The following CSRNP3 variants were observed in gnomAD, a reference collection of about 807,000 sequenced individuals.
CSRNP3 encodes cysteine/serine-rich nuclear protein 3.
In CSRNP3, 12 loss-of-function variants were observed where a neutral mutation model predicts 48.0. The observed-to-expected ratio is 0.25, with a 90% confidence interval of 0.16 to 0.41. CSRNP3 has a LOEUF of 0.41. Ranked by LOEUF, CSRNP3 falls within the 10% of genes least tolerant of loss-of-function variation. CSRNP3 has a pLI of 1.00. For synonymous variants in CSRNP3, 263 were observed against 269.7 expected, an observed-to-expected ratio of 0.98 and a Z score of 0.24; for missense variants, 580 against 724.4, an observed-to-expected ratio of 0.80 and a Z score of 2.29.
chr2:165,550,523 T>G (rs1685082916), intron 3 of CSRNP3, among the ~76,000 whole-genome samples: 1 of 152,246 alleles, frequency 6.6e-6, no homozygotes, highest in Non-Finnish European at 1.5e-5. Context: ...ATTTGCTTTA[T>G]GTTTCACATA....
At chr2:165,640,704 G>A (rs1383498675) in intron 4 of CSRNP3, among the ~76,000 whole-genome samples, 3 of 152,176 alleles carry the variant, frequency 2.0e-5, no homozygotes, top group Admixed American at 2.0e-4. Flanking sequence ...TAATAAGGAA[G>A]AAGAAAGAGT....
At chr2:165,523,268 G>T (rs1244182627) in intron 3 of CSRNP3, among the ~76,000 whole-genome samples, 1 of 151,694 alleles carries the variant, frequency 6.6e-6, no homozygotes, top group Non-Finnish European at 1.5e-5. Flanking sequence ...TTTCTTTTTT[G>T]TCCTTTATTT....
At chr2:165,576,756 G>C (rs1685457867) in intron 3 of CSRNP3, among the ~76,000 whole-genome samples, 1 of 151,858 alleles carries the variant, frequency 6.6e-6, no homozygotes, top group African/African-American at 2.4e-5. Flanking sequence ...AACGTATATA[G>C]AAAAAATGCA....
chr2:165,677,824 G>A (rs1687452881), intron 6 of CSRNP3, among the ~76,000 whole-genome samples: 1 of 152,124 alleles, frequency 6.6e-6, no homozygotes, highest in Non-Finnish European at 1.5e-5. Context: ...CCCTTGGATT[G>A]TCCAGAACCC....
chr2:165,482,841 C>A (rs1684065984), intron 1 of CSRNP3, among the ~76,000 whole-genome samples: 1 of 152,060 alleles, frequency 6.6e-6, no homozygotes, highest in African/African-American at 2.4e-5. Context: ...ACCTTATATT[C>A]CCAGGACTGT....
chr2:165,660,340 A>C (rs979472752), intron 5 of CSRNP3, among the ~76,000 whole-genome samples: 14 of 152,152 alleles, frequency 9.2e-5, no homozygotes, highest in African/African-American at 3.4e-4. Context: ...GAAATAAAAG[A>C]AGCACAGAGA....
chr2:165,554,744 TG>T (rs777766197), intron 3 of CSRNP3, among the ~76,000 whole-genome samples: 9 of 152,204 alleles, frequency 5.9e-5, no homozygotes, highest in Non-Finnish European at 1.2e-4. Context: ...GATTCCACCT[TG>T]CTCTCCTTTC....
chr2:165,544,741 C>G (rs1324404019), intron 3 of CSRNP3, among the ~76,000 whole-genome samples: 1 of 152,032 alleles, frequency 6.6e-6, no homozygotes. Context: ...GTGGAGATAT[C>G]AAGGAAGTAG....
rs370480040 is a variant in CSRNP3, at chr2:165,628,503, T to A, written c.149-29258T>A. On this transcript the variant is annotated intron_variant, in intron 4 of 6. Transcript: ENST00000651982. Reference sequence around the variant, plus strand: ...CTTTGGGAGGCCGAGGGGGGCAGATTACCTGAGGTCAGGAGTTCAAGACCA... The same window carrying A: ...CTTTGGGAGGCCGAGGGGGGCAGATAACCTGAGGTCAGGAGTTCAAGACCA... Among the ~76,000 whole-genome samples, 7 of 151,968 alleles carry A rather than the reference T, an allele frequency of 4.6e-5. No individual in the cohort carries two copies. In the South Asian group the frequency reaches 6.2e-4, roughly 14 times the overall value.
At chr2:165,631,169 C>T (rs1216270094) in intron 4 of CSRNP3, among the ~76,000 whole-genome samples, 1 of 152,210 alleles carries the variant, frequency 6.6e-6, no homozygotes, top group East Asian at 1.9e-4. Flanking sequence ...TGGTAAACAG[C>T]AGTTATGCCA....
intron 4 of CSRNP3, among the ~76,000 whole-genome samples, chr2:165,601,267 GC>G (rs1225489175): frequency 8.5e-5 from 13 of 152,076 alleles, no homozygotes; most frequent in Admixed American, 7.9e-4. Flanking sequence ...TTTTTTTTCT[GC>G]CCTCTCAAGG....
chr2:165,640,159 G>T (rs561628376), intron 4 of CSRNP3, among the ~76,000 whole-genome samples: 1 of 152,174 alleles, frequency 6.6e-6, no homozygotes, highest in Non-Finnish European at 1.5e-5. Flanking sequence ...AATGATTTTT[G>T]ATTTCTTTAC....
chr2:165,531,308 A>G (rs1553473270), intron 3 of CSRNP3, among the ~76,000 whole-genome samples: 1 of 152,202 alleles, frequency 6.6e-6, no homozygotes, highest in Non-Finnish European at 1.5e-5. Flanking sequence ...TTGTTCAATA[A>G]ATAAGGCAAA....
chr2:165,497,723 T>C (rs1684301920), intron 2 of CSRNP3, among the ~76,000 whole-genome samples: 1 of 151,924 alleles, frequency 6.6e-6, no homozygotes, highest in African/African-American at 2.4e-5. Context: ...GAGACTAAGG[T>C]CTAGGAAGAG....
At chr2:165,553,102 A>G (rs1219208093) in intron 3 of CSRNP3, among the ~76,000 whole-genome samples, 1 of 152,084 alleles carries the variant, frequency 6.6e-6, no homozygotes. Flanking sequence ...TTTCCTATGT[A>G]TGTACCATAG....
chr2:165,588,597 A>G (rs1685668404), intron 3 of CSRNP3, among the ~76,000 whole-genome samples: 1 of 152,142 alleles, frequency 6.6e-6, no homozygotes, highest in South Asian at 2.1e-4. Context: ...TCAGCTCTTC[A>G]TATTTAGAAT....
chr2:165,632,314 G>A (rs1420825569), intron 4 of CSRNP3, among the ~76,000 whole-genome samples: 2 of 152,092 alleles, frequency 1.3e-5, no homozygotes, highest in Non-Finnish European at 2.9e-5. Context: ...TTGAGGCCAG[G>A]AGTTCAAGAC....
Position 165,679,567 on chromosome 2 carries a change from C to T in CSRNP3, c.1572C>T (p.Ser524=). The T allele has an allele frequency of 6.2e-7, 1 of 1,613,936 alleles. No individual in the cohort carries two copies. The highest frequency in any genetic ancestry group is 8.5e-7 in the Non-Finnish European group (1 of 1,179,984). Residue 524 remains serine (S), a synonymous_variant, in exon 7 of 7, where the codon TCC becomes TCT. Coordinates refer to ENST00000651982, the MANE Select transcript of CSRNP3 (RefSeq NM_001172173.2). ...ATAGTTTATATCCTGAACACAGGTCCAATCACCCTCAAGTGGAATTTCACT... is the reference window on the plus strand; with the variant it reads ...ATAGTTTATATCCTGAACACAGGTCTAATCACCCTCAAGTGGAATTTCACT... ...PCNSLYPEHR[S]NHPQVEFHSY...
intron 3 of CSRNP3, among the ~76,000 whole-genome samples, chr2:165,564,915 A>C (rs369052519): frequency 6.6e-6 from 1 of 151,984 alleles, no homozygotes; most frequent in African/African-American, 2.4e-5. Flanking sequence ...GAATATAGTA[A>C]ATTGGAGTGA....
Sources: gnomAD v4.1 joint callset for allele counts (sites outside exome capture counted in the v4.1 genomes callset) on GRCh38, gnomAD v4.1.1 for gene constraint, MANE v1.5 for transcripts, NCBI Gene and HGNC (gene_info 2026-07-23, HGNC 2026-07-21) for gene names.